Variants in B3GLCT observed in about 807,000 individuals in gnomAD.
The protein encoded by B3GLCT is beta-1,3-glucosyltransferase.
Under a neutral mutation model 63.4 loss-of-function variants are expected in B3GLCT, and 65 were observed. The ratio of observed to expected loss-of-function variants is 1.03; its 90% CI spans 0.84 to 1.26. B3GLCT has a LOEUF of 1.26. B3GLCT is among the 50% of genes most tolerant of loss of function. B3GLCT has a pLI of 0.00. For synonymous variants in B3GLCT, 233 were observed against 219.2 expected (o/e 1.06, Z -0.55); for missense variants, 577 against 604.8 (o/e 0.95, Z 0.48).
intron 12 of B3GLCT, among the ~76,000 whole-genome samples, chr13:31,313,533 G>T (rs1250581669): frequency 6.6e-6 from 1 of 152,236 alleles, no homozygotes; most frequent in Non-Finnish European, 1.5e-5. Flanking sequence ...ACTCGAGAGA[G>T]ATGATTTAGG....
At chr13:31,293,735 C>T (rs1425927723) in intron 12 of B3GLCT, among the ~76,000 whole-genome samples, 1 of 152,118 alleles carries the variant, frequency 6.6e-6, no homozygotes, top group East Asian at 1.9e-4. Context: ...ATACAGCACT[C>T]CAATGGGTCT....
At chr13:31,267,678 G>T (rs1872393027) in intron 7 of B3GLCT, among the ~76,000 whole-genome samples, 1 of 152,108 alleles carries the variant, frequency 6.6e-6, no homozygotes, top group Non-Finnish European at 1.5e-5. Flanking sequence ...TGAGACAAAT[G>T]CTTTGTAATG....
At chr13:31,257,643 C>A (rs1487217118) in intron 6 of B3GLCT, among the ~76,000 whole-genome samples, 1 of 151,772 alleles carries the variant, frequency 6.6e-6, no homozygotes, top group Non-Finnish European at 1.5e-5. Context: ...GAATAAGGCT[C>A]TTAAGAAATA....
At chr13:31,266,069 G>A (rs918808086) in intron 7 of B3GLCT, among the ~76,000 whole-genome samples, 3 of 151,630 alleles carry the variant, frequency 2.0e-5, no homozygotes, top group African/African-American at 7.3e-5. Context: ...GCGCAGTCTC[G>A]CTCACTGCAA....
intron 4 of B3GLCT, among the ~76,000 whole-genome samples, chr13:31,240,416 G>A (rs796514436): frequency 1.3e-5 from 2 of 148,584 alleles, no homozygotes; most frequent in Non-Finnish European, 1.5e-5. Context: ...TTTGCAGAAA[G>A]TTTTGGAAAT....
chr13:31,234,460 T>G (rs563635960), intron 4 of B3GLCT, among the ~76,000 whole-genome samples: 5 of 152,292 alleles, frequency 3.3e-5, no homozygotes, highest in Middle Eastern at 3.4e-3. Flanking sequence ...CTGAAAGTGC[T>G]GAGCCTGGAA....
chr13:31,269,400 T>A, intron 8 of B3GLCT, 123 bp downstream of exon 8: 1 of 685,662 alleles, frequency 1.5e-6, no homozygotes, highest in South Asian at 1.6e-5. Context: ...CCCACAGAGA[T>A]AATTTCATAG....
At position 31,274,633 on chromosome 13, in the gene B3GLCT, G is replaced by A; in HGVS notation, c.780+5G>A. ...CATTCTTTTCTACCGCTTTGTGTGA[G>A]TAACAGAAGAAAAACTTCTTTGCAT... On this transcript the variant is annotated splice_donor_5th_base_variant and intron_variant, in intron 9 of 14. Transcript: ENST00000343307. The A allele has an allele frequency of 1.9e-6, 3 of 1,614,154 alleles. No individual in the cohort carries two copies.
intron 10 of B3GLCT, among the ~76,000 whole-genome samples, chr13:31,280,590 A>G (rs1399418675): frequency 6.6e-6 from 1 of 152,224 alleles, no homozygotes; most frequent in Non-Finnish European, 1.5e-5. Flanking sequence ...GAGATGGAAC[A>G]TGTTCTGCTC....
chr13:31,260,869 A>G (rs1341784562), intron 6 of B3GLCT, 77 bp from the exon 7 acceptor site: 1 of 1,367,924 alleles, frequency 7.3e-7, no homozygotes, highest in Non-Finnish European at 1.0e-6. Context: ...ATTATCTGAA[A>G]CCAATAGTAC....
At chr13:31,200,506 G>T (rs1356217465) in intron 1 of B3GLCT, among the ~76,000 whole-genome samples, 1 of 150,294 alleles carries the variant, frequency 6.7e-6, no homozygotes, top group Non-Finnish European at 1.5e-5. Flanking sequence ...AAGCGCGCAG[G>T]AACTGTGCCA....
intron 14 of B3GLCT, among the ~76,000 whole-genome samples, chr13:31,326,831 A>G (rs1248828323): frequency 6.6e-6 from 1 of 152,226 alleles, no homozygotes; most frequent in Non-Finnish European, 1.5e-5. Context: ...TTTGTCAAAA[A>G]TGACCAGTAA....
At chr13:31,227,932 T>A (rs1161788669) in intron 3 of B3GLCT, among the ~76,000 whole-genome samples, 1 of 152,166 alleles carries the variant, frequency 6.6e-6, no homozygotes, top group Non-Finnish European at 1.5e-5. Context: ...GGTGGCAGGG[T>A]GCTGACACAA....
intron 10 of B3GLCT, among the ~76,000 whole-genome samples, chr13:31,283,786 T>C (rs556366299): frequency 1.3e-5 from 2 of 152,328 alleles, no homozygotes; most frequent in African/African-American, 2.4e-5. Context: ...ATACATGATC[T>C]GATAAAGTTT....
intron 2 of B3GLCT, among the ~76,000 whole-genome samples, chr13:31,221,701 A>G (rs957957611): frequency 6.6e-6 from 1 of 152,144 alleles, no homozygotes; most frequent in Admixed American, 6.5e-5. Context: ...TTCTTAGAGG[A>G]TGCATCTCTG....
At chr13:31,319,494 C>T (rs1337790574) in intron 13 of B3GLCT, among the ~76,000 whole-genome samples, 1 of 152,174 alleles carries the variant, frequency 6.6e-6, no homozygotes, top group African/African-American at 2.4e-5. Context: ...CACTGACAGC[C>T]TTTAACACCA....
intron 14 of B3GLCT, among the ~76,000 whole-genome samples, chr13:31,326,472 C>T (rs944101413): frequency 6.6e-6 from 1 of 151,624 alleles, no homozygotes; most frequent in African/African-American, 2.4e-5. Flanking sequence ...TTAGTAGAGA[C>T]GGGATTTCAT....
chr13:31,310,398 T>C (rs1203533252), intron 12 of B3GLCT, among the ~76,000 whole-genome samples: 2 of 152,088 alleles, frequency 1.3e-5, no homozygotes, highest in Non-Finnish European at 2.9e-5. Flanking sequence ...CGCTGAACAG[T>C]AGGAGTGAAA....
chr13:31,328,518 AC>A lies in B3GLCT; in HGVS notation c.1330-978del, dbSNP rs11302808. Among the ~76,000 whole-genome samples, 1,266 of 151,594 alleles carry A rather than the reference AC, an allele frequency of 8.4e-3. 14 individuals carry two copies. The highest frequency in any genetic ancestry group is 0.029 in the African/African-American group (1,207 of 41,316). ...AGACCAGGCTGGCTAACATGGTGAA[AC>A]CCCCGTCTCCACTAAATACAAAAAT... On this transcript the variant is annotated intron_variant, in intron 14 of 14. Transcript: ENST00000343307.
Sources: gnomAD v4.1 joint callset for allele counts (sites outside exome capture counted in the v4.1 genomes callset) on GRCh38, gnomAD v4.1.1 for gene constraint, MANE v1.5 for transcripts, NCBI Gene and HGNC (gene_info 2026-07-23, HGNC 2026-07-21) for gene names.